The following JARID2 variants were observed in gnomAD, a reference collection of about 807,000 sequenced individuals.
The protein encoded by JARID2 is jumonji and AT-rich interaction domain containing 2, also known as protein Jumonji.
JARID2 carries 21 observed loss-of-function variants against 125.6 expected under a neutral mutation model. The observed-to-expected ratio is 0.17, with a 90% CI of 0.12 to 0.24. JARID2 has a LOEUF of 0.24. Ranked by LOEUF, JARID2 falls within the 10% of genes least tolerant of loss-of-function variation. JARID2 has a pLI of 1.00. For synonymous variants in JARID2, 736 were observed against 661.6 expected (o/e 1.11, Z -1.73); for missense variants, 1,303 against 1,639.6 (o/e 0.79, Z 3.55).
intron 2 of JARID2, among the ~76,000 whole-genome samples, chr6:15,384,443 C>T (rs1207863064): frequency 1.3e-5 from 2 of 150,620 alleles, no homozygotes; most frequent in Non-Finnish European, 2.9e-5. Context: ...TGAGGTCTCT[C>T]ATCTGCTTCT....
intron 4 of JARID2, among the ~76,000 whole-genome samples, chr6:15,467,864 G>T (rs969423629): frequency 1.3e-5 from 2 of 152,144 alleles, no homozygotes; most frequent in African/African-American, 4.8e-5. Context: ...TCCGGAATGA[G>T]AACCTTTGAG....
chr6:15,415,460 C>T (rs1482533711), intron 3 of JARID2, among the ~76,000 whole-genome samples: 54 of 148,620 alleles, frequency 3.6e-4, no homozygotes, highest in Non-Finnish European at 5.6e-4. Flanking sequence ...CCCCCACCTC[C>T]CTCCCGCACG....
chr6:15,500,757 A>G, intron 7 of JARID2, 150 bp from the exon 8 acceptor site: 1 of 689,228 alleles, frequency 1.5e-6, no homozygotes, highest in Non-Finnish European at 2.5e-6. Flanking sequence ...CTCTCTGTGG[A>G]CCGGGAGTCT....
intron 12 of JARID2, chr6:15,509,467 C>A: frequency 2.0e-6 from 1 of 493,356 alleles, no homozygotes; most frequent in Non-Finnish European, 2.6e-6. Flanking sequence ...GCCCTCCCTT[C>A]CCACATGGGT....
intron 5 of JARID2, among the ~76,000 whole-genome samples, chr6:15,473,181 T>C (rs954356790): frequency 2.6e-5 from 4 of 152,228 alleles, no homozygotes; most frequent in African/African-American, 9.6e-5. Context: ...ATGTTAACAG[T>C]GGTGAATGAT....
intron 3 of JARID2, among the ~76,000 whole-genome samples, 189 bp downstream of exon 3, chr6:15,410,554 C>T (rs767677682): frequency 6.6e-6 from 1 of 151,962 alleles, no homozygotes; most frequent in African/African-American, 2.4e-5. Flanking sequence ...TAATTAAAAA[C>T]GGGAAAAAAA....
intron 3 of JARID2, among the ~76,000 whole-genome samples, chr6:15,420,805 G>A (rs1034186213): frequency 6.6e-6 from 1 of 152,212 alleles, no homozygotes; most frequent in Non-Finnish European, 1.5e-5. Context: ...TTGTTTCCCT[G>A]CTACTCAGGC....
At chr6:15,489,183 G>A (rs187056933) in intron 6 of JARID2, among the ~76,000 whole-genome samples, 2 of 152,308 alleles carry the variant, frequency 1.3e-5, no homozygotes, top group East Asian at 3.9e-4. Flanking sequence ...CTAGAGTAGG[G>A]TTAAGTTGTT....
intron 1 of JARID2, among the ~76,000 whole-genome samples, chr6:15,306,181 A>AAGTGC: frequency 6.6e-6 from 1 of 152,162 alleles, no homozygotes; most frequent in Non-Finnish European, 1.5e-5. Context: ...AGTGCGTCAC[A>AAGTGC]GTTAGGTTGT....
intron 3 of JARID2, among the ~76,000 whole-genome samples, chr6:15,446,321 A>G (rs1220678727): frequency 6.6e-6 from 1 of 152,156 alleles, no homozygotes; most frequent in Non-Finnish European, 1.5e-5. Flanking sequence ...GGGCAGAGCA[A>G]TGGCTTTGGG....
intron 1 of JARID2, among the ~76,000 whole-genome samples, chr6:15,287,469 C>T (rs1761047621): frequency 6.6e-6 from 1 of 152,320 alleles, no homozygotes; most frequent in Admixed American, 6.5e-5. Flanking sequence ...TCTGCAACCA[C>T]TGTAAATCAG....
intron 5 of JARID2, among the ~76,000 whole-genome samples, chr6:15,476,698 C>T (rs1195324658): frequency 6.6e-6 from 1 of 152,196 alleles, no homozygotes; most frequent in African/African-American, 2.4e-5. Context: ...TTCAATAGCA[C>T]ATCAGAGTTT....
intron 3 of JARID2, among the ~76,000 whole-genome samples, chr6:15,451,616 C>A (rs1400228606): frequency 6.6e-6 from 1 of 152,150 alleles, no homozygotes; most frequent in African/African-American, 2.4e-5. Context: ...TATATAAATA[C>A]AGCAGGATAA....
intron 5 of JARID2, among the ~76,000 whole-genome samples, chr6:15,477,515 T>G (rs1409103679): frequency 6.6e-6 from 1 of 151,180 alleles, no homozygotes; most frequent in East Asian, 1.9e-4. Flanking sequence ...TTTTTTTTTT[T>G]TTTTTTTTTT....
chr6:15,337,848 A>G (rs893481002), intron 1 of JARID2, among the ~76,000 whole-genome samples: 13 of 152,212 alleles, frequency 8.5e-5, no homozygotes, highest in African/African-American at 3.1e-4. Flanking sequence ...CACAGATACA[A>G]ACAGCCTCTA....
intron 1 of JARID2, among the ~76,000 whole-genome samples, chr6:15,344,493 C>T (rs1561804649): frequency 6.6e-6 from 1 of 150,712 alleles, no homozygotes; most frequent in Non-Finnish European, 1.5e-5. Flanking sequence ...ATTGCTATGT[C>T]TCACTTACCA....
At chr6:15,484,198 G>A (rs1441167438) in intron 5 of JARID2, among the ~76,000 whole-genome samples, 1 of 83,260 alleles carries the variant, frequency 1.2e-5, no homozygotes, top group Non-Finnish European at 2.4e-5. Context: ...TGTTTTCAGT[G>A]TTGTATTTCT....
intron 2 of JARID2, among the ~76,000 whole-genome samples, chr6:15,393,830 G>A (rs546303366): frequency 3.3e-5 from 5 of 152,274 alleles, no homozygotes; most frequent in African/African-American, 4.8e-5. Context: ...ATGAGGTTAC[G>A]TTAGCAGGAT....
chr6:15,314,336 A>T (rs1482381513), intron 1 of JARID2, among the ~76,000 whole-genome samples: 2 of 48,480 alleles, frequency 4.1e-5, no homozygotes, highest in Admixed American at 1.5e-4. Context: ...CAATAATTTA[A>T]AAAAAATGAA....
Sources: gnomAD v4.1 joint callset for allele counts (sites outside exome capture counted in the v4.1 genomes callset) on GRCh38, gnomAD v4.1.1 for gene constraint, MANE v1.5 for transcripts, NCBI Gene and HGNC (gene_info 2026-07-23, HGNC 2026-07-21) for gene names.